Variants in FAM135B observed in about 807,000 individuals in gnomAD.
FAM135B encodes family with sequence similarity 135 member B, also known as protein FAM135B.
Under a neutral mutation model 127.7 loss-of-function variants are expected in FAM135B, and 43 were observed. That is an observed-to-expected ratio of 0.34 (90% confidence interval 0.26 to 0.43). FAM135B has a LOEUF of 0.43. Among genes scored for constraint, FAM135B ranks in the 20% least tolerant of loss-of-function variants. FAM135B has a pLI of 1.00. For missense variants in FAM135B, 1,558 were observed against 1,725.6 expected, an observed-to-expected ratio of 0.90 and a Z score of 1.72; for synonymous variants, 670 against 665.1, an observed-to-expected ratio of 1.01 and a Z score of -0.11.
intron 1 of FAM135B, chr8:138,439,000 A>G (rs1835615144): frequency 6.6e-6 from 1 of 152,192 alleles, no homozygotes; most frequent in African/African-American, 2.4e-5. Flanking sequence ...TGGTACCTAA[A>G]AAAACAAGTG....
chr8:138,485,225 T>C (rs924664832), intron 1 of FAM135B, among the ~76,000 whole-genome samples: 4 of 152,338 alleles, frequency 2.6e-5, no homozygotes, highest in East Asian at 1.9e-4. Context: ...GTCACACTTC[T>C]GAACATAAGC....
intron 2 of FAM135B, among the ~76,000 whole-genome samples, chr8:138,330,031 A>G (rs888654554): frequency 6.6e-6 from 1 of 152,158 alleles, no homozygotes; most frequent in Non-Finnish European, 1.5e-5. Flanking sequence ...CCAGCTAGTT[A>G]GTGGCAAGCT....
At chr8:138,333,252 T>A (rs992389127) in intron 2 of FAM135B, among the ~76,000 whole-genome samples, 6 of 152,094 alleles carry the variant, frequency 3.9e-5, no homozygotes, top group African/African-American at 1.4e-4. Flanking sequence ...TCGGACCCTG[T>A]TTGCTCAACA....
At chr8:138,286,911 C>G (rs973860139) in intron 3 of FAM135B, among the ~76,000 whole-genome samples, 8 of 152,200 alleles carry the variant, frequency 5.3e-5, no homozygotes, top group African/African-American at 1.9e-4. Context: ...AATCCCAGGC[C>G]CACCAGTTTA....
At chr8:138,369,398 C>A (rs1830974326) in intron 1 of FAM135B, among the ~76,000 whole-genome samples, 1 of 152,200 alleles carries the variant, frequency 6.6e-6, no homozygotes, top group Admixed American at 6.5e-5. Context: ...TTAACAGGGT[C>A]AGGCTAGGCC....
chr8:138,375,224 A>C (rs1214771577), intron 1 of FAM135B, among the ~76,000 whole-genome samples: 1 of 149,374 alleles, frequency 6.7e-6, no homozygotes, highest in Admixed American at 6.8e-5. Flanking sequence ...GAGGACAAGA[A>C]ATCACTTCTG....
At chr8:138,147,541 A>G (rs777939161) in intron 14 of FAM135B, among the ~76,000 whole-genome samples, 5 of 152,210 alleles carry the variant, frequency 3.3e-5, no homozygotes, top group Non-Finnish European at 5.9e-5. Context: ...GTTAATACAA[A>G]TAAGCCCTTG....
At position 138,197,625 on chromosome 8, in the gene FAM135B, G is replaced by A. The variant is rs2131139965; in HGVS notation, c.714C>T (p.His238=). 1 of 1,614,218 alleles carries A rather than the reference G, an allele frequency of 6.2e-7. No individual in the cohort carries two copies. The highest frequency in any genetic ancestry group is 8.5e-7 in the Non-Finnish European group (1 of 1,180,042). ...ITSENCMQHA[H]KWHRDLCLLL... is the part of the protein sequence containing the mutation. The stretch of plus-strand genomic sequence containing the variant: ...ACAGGCACAGGTCTCGGTGCCACTT[G>A]TGTGCGTGCTGCATGCAGTTCTCAG... Residue 238 remains histidine, a synonymous_variant, in exon 8 of 20, where the codon CAC becomes CAT. Transcript: ENST00000395297.
chr8:138,370,906 T>G (rs955152861), intron 1 of FAM135B, among the ~76,000 whole-genome samples: 1 of 152,212 alleles, frequency 6.6e-6, no homozygotes, highest in Admixed American at 6.5e-5. Context: ...GCAGTGGTTT[T>G]CAGGTGTGGT....
intron 9 of FAM135B, among the ~76,000 whole-genome samples, chr8:138,191,730 G>A (rs1816146501): frequency 6.6e-6 from 1 of 152,126 alleles, no homozygotes; most frequent in African/African-American, 2.4e-5. Flanking sequence ...GATCCTTTTT[G>A]CCACGAAGAC....
At chr8:138,405,641 CT>C (rs1563974582) in intron 1 of FAM135B, among the ~76,000 whole-genome samples, 1 of 152,098 alleles carries the variant, frequency 6.6e-6, no homozygotes, top group East Asian at 1.9e-4. Flanking sequence ...GGTTCCAAAT[CT>C]TTGCTATTGT....
chr8:138,484,311 T>C (rs932080134), intron 1 of FAM135B, among the ~76,000 whole-genome samples: 2 of 152,148 alleles, frequency 1.3e-5, no homozygotes, highest in African/African-American at 2.4e-5. Flanking sequence ...AAATAGGGTA[T>C]TTTGAGGTTT....
chr8:138,156,315 T>C (rs1818736186), intron 12 of FAM135B, among the ~76,000 whole-genome samples: 1 of 152,202 alleles, frequency 6.6e-6, no homozygotes, highest in African/African-American at 2.4e-5. Context: ...GGGAAATTCA[T>C]AGCACTAAAT....
intron 18 of FAM135B, among the ~76,000 whole-genome samples, chr8:138,138,231 C>A (rs1348886576): frequency 1.3e-5 from 2 of 152,202 alleles, no homozygotes; most frequent in Non-Finnish European, 2.9e-5. Context: ...GAGCTCAACT[C>A]AACACACAGA....
intron 3 of FAM135B, among the ~76,000 whole-genome samples, chr8:138,285,541 A>G (rs1824612001): frequency 6.6e-6 from 1 of 152,194 alleles, no homozygotes; most frequent in South Asian, 2.1e-4. Context: ...GACGTATACA[A>G]TAATATCAAC....
At chr8:138,329,381 C>A (rs185765391) in intron 2 of FAM135B, among the ~76,000 whole-genome samples, 25 of 152,288 alleles carry the variant, frequency 1.6e-4, no homozygotes, top group African/African-American at 6.0e-4. Flanking sequence ...CTCTTAATTG[C>A]TTTTTGATAT....
intron 7 of FAM135B, among the ~76,000 whole-genome samples, chr8:138,203,592 G>C (rs893652626): frequency 6.6e-6 from 1 of 152,126 alleles, no homozygotes; most frequent in Non-Finnish European, 1.5e-5. Flanking sequence ...CTGTTTGTAA[G>C]AGAAAGTTCG....
chr8:138,302,730 C>T (rs1345696933), intron 3 of FAM135B, among the ~76,000 whole-genome samples: 1 of 152,220 alleles, frequency 6.6e-6, no homozygotes, highest in African/African-American at 2.4e-5. Flanking sequence ...GCCCACATCG[C>T]TCACGTTGTA....
chr8:138,187,321 G>A (rs186905064), intron 9 of FAM135B, among the ~76,000 whole-genome samples: 10 of 152,310 alleles, frequency 6.6e-5, no homozygotes, highest in African/African-American at 2.4e-4. Flanking sequence ...TAATAATGAA[G>A]CCAGGCTCCC....
Sources: gnomAD v4.1 joint callset for allele counts (sites outside exome capture counted in the v4.1 genomes callset) on GRCh38, gnomAD v4.1.1 for gene constraint, MANE v1.5 for transcripts, NCBI Gene and HGNC (gene_info 2026-07-23, HGNC 2026-07-21) for gene names.